Variants in ZNF226 observed in about 807,000 individuals in gnomAD.
ZNF226 encodes Kruppel-associated box protein.
Under a neutral mutation model 11.4 loss-of-function variants are expected in ZNF226, and 6 were observed. The observed-to-expected ratio is 0.53, with a 90% CI of 0.29 to 1.04. ZNF226 has a LOEUF of 1.04. Ranked by LOEUF, ZNF226 falls within the 50% of genes least tolerant of loss-of-function variation. ZNF226 has a pLI of 0.08. For missense variants in ZNF226, 1,058 were observed against 956.5 expected (o/e 1.11, Z -1.40); for synonymous variants, 350 against 322.8 (o/e 1.08, Z -0.90).
chr19:44,198,755 A>G, the ZNF226 span, among the ~76,000 whole-genome samples: 2 of 152,170 alleles, frequency 1.3e-5, no homozygotes, highest in Non-Finnish European at 2.9e-5. Context: ...TCTCTGTTGG[A>G]TAGATAAGAT....
downstream of ZNF226, among the ~76,000 whole-genome samples, chr19:44,181,320 T>G (rs2122543255): frequency 2.0e-5 from 3 of 152,280 alleles, 1 homozygote; most frequent in Middle Eastern, 0.01. Context: ...AGGTTAAGGC[T>G]GCAGTGAGCT....
At chr19:44,173,092 G>C in intron 5 of ZNF226, 140 bp downstream of exon 5, 2 of 696,740 alleles carry the variant, frequency 2.9e-6, no homozygotes, top group Admixed American at 5.7e-5. Context: ...TGCTTGCCCT[G>C]CTCCCACCCC....
intron 5 of ZNF226, chr19:44,173,283 A>C: frequency 4.9e-6 from 2 of 404,980 alleles, no homozygotes; most frequent in Non-Finnish European, 8.7e-6. Context: ...CTCTAAATAT[A>C]TCTTCTATAC....
rs368520383 is a variant in ZNF226 at position 44,177,233 on chromosome 19, T to C, written c.1971T>C (p.His657=). Residue 657 remains histidine, a synonymous_variant, in exon 6 of 6, where the codon CAT becomes CAC. Transcript: ENST00000337433. ...GGAAGAGTTTCGGTCGGAGTGCACA[T>C]CTTCAAGCCCATCAAAAAGTCCACA... The part of the protein sequence containing the change: ...ECGKSFGRSA[H]LQAHQKVHTG... 1.1e-4 allele frequency: 177 copies of C among 1,613,876 alleles called. 1 individual carries two copies. The South Asian group carries it at 1.4e-3, about 13-fold the overall frequency.
chr19:44,168,562 T>G (rs1241911940), intron 2 of ZNF226, among the ~76,000 whole-genome samples: 1 of 152,244 alleles, frequency 6.6e-6, no homozygotes, highest in Non-Finnish European at 1.5e-5. Context: ...TCTCGATATC[T>G]TTCTAGAGTA....
rs763726958 is a variant in ZNF226, at chr19:44,176,142, G to T, written c.880G>T (p.Val294Phe). ...TGGAAAAGGCTTCTGTTACAGCCCA[G>T]TTCTTCCTGTTCATCAGAAAGTACA... ...ERGKGFCYSP[V>F]LPVHQKVHVG... The change falls in exon 6 of 6, where the codon GTT (valine) becomes TTT (phenylalanine). Residue 294 changes from valine (V) to phenylalanine (F), a missense_variant. Physicochemically the swap from Val to Phe is conservative, Grantham distance 50 (BLOSUM62 -1). Coordinates refer to ENST00000337433, the MANE Select transcript of ZNF226 (RefSeq NM_001032373.2). 1.2e-6 allele frequency: 2 copies of T among 1,614,164 alleles called. No homozygotes were observed. The highest frequency in any genetic ancestry group is 2.2e-5 in the East Asian group (1 of 44,886).
At position 44,175,515 on chromosome 19, in the gene ZNF226, A is replaced by G; in HGVS notation, c.253A>G (p.Lys85Glu). ...CCTTACAGGAGAGAAAAATCAAAGTAAGTTAATTACTGTTCAAGACAGAGA... is the reference window on the plus strand; with the variant it reads ...CCTTACAGGAGAGAAAAATCAAAGTGAGTTAATTACTGTTCAAGACAGAGA... ...QGNLGEKNQSKLITVQDRESE... is the reference protein window; with the variant it reads ...QGNLGEKNQSELITVQDRESE... Residue 85 changes from lysine (K) to glutamate (E), a missense_variant, in exon 6 of 6, where the codon AAG becomes GAG. Physicochemically the swap from Lys to Glu is moderately conservative, Grantham distance 56. Transcript: ENST00000337433. The G allele has an allele frequency of 1.3e-6, 2 of 1,587,312 alleles. No individual in the cohort carries two copies. Among genetic ancestry groups the G allele is most frequent in the Non-Finnish European group, 1.7e-6 (2 of 1,170,730 alleles).
chr19:44,192,050 G>T, the ZNF226 span, among the ~76,000 whole-genome samples: 1 of 152,098 alleles, frequency 6.6e-6, no homozygotes, highest in Admixed American at 6.6e-5. Context: ...CCATATTATA[G>T]AAAAGATAAA....
chr19:44,178,716 A>G (rs1381655179), downstream of ZNF226, among the ~76,000 whole-genome samples: 2 of 152,206 alleles, frequency 1.3e-5, no homozygotes, highest in Non-Finnish European at 2.9e-5. Flanking sequence ...TTTTTCTGGA[A>G]TTCATAGAAT....
chr19:44,171,950 G>A, intron 3 of ZNF226, 138 bp from the exon 4 acceptor site: 2 of 1,132,414 alleles, frequency 1.8e-6, no homozygotes, highest in South Asian at 1.3e-5. Flanking sequence ...GTCAGTGTAT[G>A]GCATTGGCAA....
In ZNF226 at chr19:44,177,368, GGA is replaced by G; in HGVS notation, c.2108_2109del (p.Glu703ValfsTer3). On this transcript the variant is annotated frameshift_variant, in exon 6 of 6. Coordinates refer to ENST00000337433, the MANE Select transcript of ZNF226 (RefSeq NM_001032373.2). LOFTEE classifies it low-confidence loss of function (END_TRUNC). ...HTGEKPYKCG[E>X]CGKYFSQASS... ...CAGGAGAAAAACCATATAAATGTGG[GGA>G]GTGTGGTAAGTACTTCAGTCAGGCC... 2 of 1,613,192 alleles carry G rather than the reference GGA, an allele frequency of 1.2e-6. No individual in the cohort carries two copies. Among genetic ancestry groups the G allele is most frequent in the Non-Finnish European group, 1.7e-6 (2 of 1,179,766 alleles).
rs762179935 is a variant in ZNF226, at chr19:44,176,929, A to G, written c.1667A>G (p.Glu556Gly). 1.2e-6 allele frequency: 2 copies of G among 1,614,044 alleles called. No individual in the cohort carries two copies. The highest frequency in any genetic ancestry group is 2.2e-5 in the South Asian group (2 of 91,086). ...LQIHQKAHSI[E>G]KPFKCEECGQ... The stretch of plus-strand genomic sequence containing the variant: ...ATCCATCAGAAGGCCCACAGTATAG[A>G]GAAACCTTTTAAGTGTGAGGAGTGT... The change falls in exon 6 of 6, where the codon GAG becomes GGG. Residue 556 changes from glutamate (E) to glycine (G), a missense_variant. Transcript: ENST00000337433.
chr19:44,188,034 T>C, the ZNF226 span, among the ~76,000 whole-genome samples: 1 of 152,186 alleles, frequency 6.6e-6, no homozygotes, highest in South Asian at 2.1e-4. Flanking sequence ...AGACTTGTAA[T>C]ATAGCCTAAC....
the ZNF226 span, among the ~76,000 whole-genome samples, chr19:44,189,394 A>G: frequency 6.6e-6 from 1 of 152,264 alleles, no homozygotes; most frequent in African/African-American, 2.4e-5. Context: ...TATTTTGTGT[A>G]TTTGGGTCTC....
chr19:44,190,409 C>T, the ZNF226 span, among the ~76,000 whole-genome samples: 1 of 152,114 alleles, frequency 6.6e-6, no homozygotes, highest in African/African-American at 2.4e-5. Context: ...TCTCGGCTCA[C>T]TGCAAGCTCC....
At chr19:44,193,819 C>T in the ZNF226 span, among the ~76,000 whole-genome samples, 1 of 152,136 alleles carries the variant, frequency 6.6e-6, no homozygotes, top group Non-Finnish European at 1.5e-5. Context: ...CCATAATGGC[C>T]GTACATTATC....
chr19:44,175,189 T>C (rs1048460123), intron 5 of ZNF226: 4 of 1,429,898 alleles, frequency 2.8e-6, no homozygotes, highest in Non-Finnish European at 3.6e-6. Flanking sequence ...CTACAAAATG[T>C]TTTTCCTTAT....
Position 44,174,838 on chromosome 19 carries a change from A to C in ZNF226, c.236-660A>C. On this transcript the variant is annotated intron_variant, in intron 5 of 5. Transcript: ENST00000337433. The stretch of plus-strand genomic sequence containing the variant: ...AAAGCCTTAGAAGGATCCAGTGCAT[A>C]GGTCTTCATGCTTTCCTTTCACCCC... 3 of 700,384 alleles carry C rather than the reference A, an allele frequency of 4.3e-6. No individual in the cohort carries two copies. In the South Asian group the frequency reaches 6.3e-5, roughly 15 times the overall value. The allele number at this position is 700,384 out of a possible 1,614,324, so 43.4% of individuals were successfully genotyped here.
At position 44,175,483 on chromosome 19, in the gene ZNF226, C is replaced by A. The variant is rs758879162; in HGVS notation, c.236-15C>A. The A allele has an allele frequency of 6.4e-7, 1 of 1,555,676 alleles. No homozygotes were observed. Among genetic ancestry groups the A allele is most frequent in the Non-Finnish European group, 8.6e-7 (1 of 1,157,640 alleles). ...AAAAAAATTCACTATCTCTCTGAAT[C>A]CTTTGTCCTTACAGGAGAGAAAAAT... On this transcript the variant is annotated splice_polypyrimidine_tract_variant and intron_variant, in intron 5 of 5. Transcript: ENST00000337433.
Sources: gnomAD v4.1 joint callset for allele counts (sites outside exome capture counted in the v4.1 genomes callset) on GRCh38, gnomAD v4.1.1 for gene constraint, MANE v1.5 for transcripts, NCBI Gene and HGNC (gene_info 2026-07-23, HGNC 2026-07-21) for gene names.